The following RPS6KC1 variants were observed in gnomAD, a reference collection of about 807,000 sequenced individuals.
RPS6KC1 encodes inactive ribosomal protein S6 kinase delta-1.
RPS6KC1 carries 54 observed loss-of-function variants against 103.8 expected under a neutral mutation model. The observed-to-expected ratio is 0.52, with a 90% CI of 0.42 to 0.65. The LOEUF (loss-of-function observed/expected upper bound fraction) is 0.65. Ranked by LOEUF, RPS6KC1 falls within the 30% of genes least tolerant of loss-of-function variation. The probability of loss-of-function intolerance (pLI) is 0.00; values close to 1 mark genes in which losing one functional copy is unlikely to be tolerated. For synonymous variants in RPS6KC1, 439 were observed against 438.7 expected (o/e 1.00, Z -0.01); for missense variants, 1,151 against 1,253.8 (o/e 0.92, Z 1.24).
At chr1:213,581,283 C>CT in the RPS6KC1 span, among the ~76,000 whole-genome samples, 2 of 152,076 alleles carry the variant, frequency 1.3e-5, no homozygotes, top group Non-Finnish European at 2.9e-5. Context: ...CTCTCTCCCC[C>CT]TTTTTACTCC....
the RPS6KC1 span, among the ~76,000 whole-genome samples, chr1:213,479,619 G>T: frequency 4.0e-5 from 6 of 151,136 alleles, no homozygotes; most frequent in African/African-American, 1.5e-4. Context: ...TGTCAGAGAT[G>T]ATGTTAAAAA....
At chr1:213,308,135 A>G in the RPS6KC1 span, among the ~76,000 whole-genome samples, 8 of 152,016 alleles carry the variant, frequency 5.3e-5, no homozygotes, top group Non-Finnish European at 8.8e-5. Flanking sequence ...AACATAGTGA[A>G]ACCCCGTCTC....
chr1:213,103,811 TATC>T (rs1315176344), intron 3 of RPS6KC1, among the ~76,000 whole-genome samples: 2 of 152,232 alleles, frequency 1.3e-5, no homozygotes, highest in South Asian at 2.1e-4. Context: ...GAAAATGTCT[TATC>T]AGCATTCAAA....
At chr1:213,352,291 C>G in the RPS6KC1 span, among the ~76,000 whole-genome samples, 1 of 152,072 alleles carries the variant, frequency 6.6e-6, no homozygotes, top group African/African-American at 2.4e-5. Flanking sequence ...ATATTCTCTA[C>G]TGTAATTCTA....
intron 6 of RPS6KC1, among the ~76,000 whole-genome samples, chr1:213,152,426 G>A (rs1458960032): frequency 2.0e-5 from 3 of 148,512 alleles, no homozygotes; most frequent in Non-Finnish European, 3.0e-5. Context: ...GGGCGGAGAC[G>A]CTCCTCACTT....
intron 14 of RPS6KC1, among the ~76,000 whole-genome samples, chr1:213,271,494 G>A (rs1375438631): frequency 3.3e-5 from 5 of 152,110 alleles, no homozygotes; most frequent in African/African-American, 7.2e-5. Flanking sequence ...GGCCGGGTGC[G>A]GTGGCTCACG....
chr1:213,257,133 G>T (rs991783353), intron 12 of RPS6KC1, among the ~76,000 whole-genome samples: 3 of 152,098 alleles, frequency 2.0e-5, no homozygotes, highest in African/African-American at 7.2e-5. Context: ...TTATCTTGTG[G>T]CTTCAAGAAC....
intron 7 of RPS6KC1, among the ~76,000 whole-genome samples, chr1:213,169,429 G>C (rs1270102470): frequency 2.0e-5 from 3 of 152,104 alleles, no homozygotes; most frequent in African/African-American, 7.2e-5. Flanking sequence ...TCTGCTGATT[G>C]ATTTTCAGAT....
At chr1:213,262,955 A>G in intron 14 of RPS6KC1, 139 bp downstream of exon 14, 1 of 641,904 alleles carries the variant, frequency 1.6e-6, no homozygotes, top group Non-Finnish European at 2.8e-6. Context: ...CAGAATTAAT[A>G]CTGTATATTT....
At chr1:213,825,665 G>A in the RPS6KC1 span, among the ~76,000 whole-genome samples, 1 of 152,080 alleles carries the variant, frequency 6.6e-6, no homozygotes, top group African/African-American at 2.4e-5. Flanking sequence ...CCCTTGCCAA[G>A]CACCAGTGAA....
chr1:213,363,695 TTTCTTTCC>T, the RPS6KC1 span, among the ~76,000 whole-genome samples: 150 of 80,854 alleles, frequency 1.9e-3, 6 homozygotes, highest in African/African-American at 7.9e-3. Flanking sequence ...TCTTTCTTTC[TTTCTTTCC>T]TTCTTTCTTT....
chr1:213,095,862 A>G (rs1277067266), intron 3 of RPS6KC1, among the ~76,000 whole-genome samples: 2 of 152,222 alleles, frequency 1.3e-5, no homozygotes, highest in African/African-American at 4.8e-5. Flanking sequence ...CTTTTTGCTC[A>G]TGGTGCGTCT....
At chr1:213,097,741 A>G (rs1027189412) in intron 3 of RPS6KC1, among the ~76,000 whole-genome samples, 1 of 152,192 alleles carries the variant, frequency 6.6e-6, no homozygotes, top group Admixed American at 6.5e-5. Context: ...TTTTCGCTAG[A>G]TCTTCTGTAT....
chr1:213,747,745 A>G, the RPS6KC1 span, among the ~76,000 whole-genome samples: 1 of 152,212 alleles, frequency 6.6e-6, no homozygotes. Flanking sequence ...CTATAGGGGC[A>G]CCCAATAAAA....
At chr1:213,656,322 A>G in the RPS6KC1 span, among the ~76,000 whole-genome samples, 4 of 152,246 alleles carry the variant, frequency 2.6e-5, no homozygotes, top group Middle Eastern at 3.2e-3. Flanking sequence ...ACAAGGGGCT[A>G]GCAGATTACA....
chr1:213,545,852 A>C, the RPS6KC1 span, among the ~76,000 whole-genome samples: 2 of 152,262 alleles, frequency 1.3e-5, no homozygotes, highest in Middle Eastern at 6.8e-3. Context: ...ATGCAGTCTC[A>C]TTCCTCTTGT....
the RPS6KC1 span, among the ~76,000 whole-genome samples, chr1:213,671,645 A>G: frequency 1.3e-5 from 2 of 152,198 alleles, no homozygotes; most frequent in African/African-American, 2.4e-5. Flanking sequence ...TTAGCTGGGC[A>G]TGGTGGCGCA....
chr1:213,387,023 A>G, the RPS6KC1 span, among the ~76,000 whole-genome samples: 1 of 152,140 alleles, frequency 6.6e-6, no homozygotes, highest in Non-Finnish European at 1.5e-5. Context: ...CCAACCAACT[A>G]TTGCTAGAGC....
At chr1:213,182,594 C>T (rs966387631) in intron 8 of RPS6KC1, among the ~76,000 whole-genome samples, 20 of 151,606 alleles carry the variant, frequency 1.3e-4, no homozygotes, top group Middle Eastern at 3.4e-3. Context: ...ACAAACAGAA[C>T]GCAAAATATA....
Sources: allele counts gnomAD v4.1 joint callset (sites outside exome capture counted in the v4.1 genomes callset), GRCh38; gene constraint gnomAD v4.1.1; transcripts MANE v1.5; gene names NCBI Gene and HGNC (gene_info 2026-07-23, HGNC 2026-07-21).